Variants in CFAP47 observed in about 807,000 individuals in gnomAD.
CFAP47 encodes the protein cilia and flagella associated protein 47.
Under a neutral mutation model 148.1 loss-of-function variants are expected in CFAP47, and 29 were observed. The ratio of observed to expected loss-of-function variants is 0.20; its 90% CI spans 0.15 to 0.27. The LOEUF (loss-of-function observed/expected upper bound fraction) is 0.27, where lower values mean the gene tolerates loss of function less well. Ranked by LOEUF, CFAP47 falls within the 10% of genes least tolerant of loss-of-function variation. CFAP47 has a pLI of 1.00. For synonymous variants in CFAP47, 664 were observed against 577.3 expected, an observed-to-expected ratio of 1.15 and a Z score of -2.15; for missense variants, 1,872 against 1,697.5, an observed-to-expected ratio of 1.10 and a Z score of -1.81.
intron 63 of CFAP47, among the ~76,000 whole-genome samples, chrX:36,384,505 TACTGTACA>T (rs1556024768): frequency 8.9e-6 from 1 of 112,271 alleles, no homozygotes; most frequent in Non-Finnish European, 1.9e-5. Flanking sequence ...TTGGCGTTCA[TACTGTACA>T]ACAGTCTTAT....
At chrX:36,308,988 C>A (rs782521047) in intron 55 of CFAP47, among the ~76,000 whole-genome samples, 2 of 111,436 alleles carry the variant, frequency 1.8e-5, no homozygotes, top group Non-Finnish European at 3.8e-5. Context: ...CTGCAAATAT[C>A]ATAAACTTAT....
intron 33 of CFAP47, among the ~76,000 whole-genome samples, chrX:36,127,623 C>T (rs1310296799): frequency 9.0e-6 from 1 of 111,496 alleles, no homozygotes; most frequent in Non-Finnish European, 1.9e-5. Context: ...GTTTCCAATT[C>T]TGTGAAGAAA....
intron 50 of CFAP47, among the ~76,000 whole-genome samples, chrX:36,282,634 A>G (rs1015817265): frequency 3.6e-5 from 4 of 111,578 alleles, no homozygotes; most frequent in Non-Finnish European, 5.7e-5. Context: ...TCAATTAGAG[A>G]AATCTTCTAG....
At chrX:36,175,554 G>T (rs1219021267) in intron 39 of CFAP47, among the ~76,000 whole-genome samples, 1 of 111,453 alleles carries the variant, frequency 9.0e-6, no homozygotes. Context: ...TGGAGTACCC[G>T]GCCGTGTGAA....
intron 53 of CFAP47, among the ~76,000 whole-genome samples, chrX:36,303,088 G>A (rs1941313552): frequency 8.9e-6 from 1 of 112,058 alleles, no homozygotes; most frequent in African/African-American, 3.2e-5. Context: ...ACAGTTCTGA[G>A]GCTAGAAGTT....
Position 35,956,159 on chromosome X carries a change from A to T in CFAP47, c.1373A>T (p.Asp458Val). 1 of 1,211,005 alleles carries T rather than the reference A, an allele frequency of 8.3e-7. No homozygotes were observed. Among genetic ancestry groups the T allele is most frequent in the Non-Finnish European group, 1.1e-6 (1 of 894,759 alleles). Residue 458 changes from aspartate (D) to valine (V), a missense_variant, in exon 8 of 64, where the codon GAT (aspartate) becomes GTT (valine). By Grantham distance (152) the Asp-to-Val change is radical. Transcript: ENST00000378653. ...HFKKTANFEI[D>V]PEKGKITGGG... ...AAAAAAACTGCAAATTTTGAAATTGATCCTGAAAAGGGCAAGATTACTGGA... is the reference window on the plus strand; with the variant it reads ...AAAAAAACTGCAAATTTTGAAATTGTTCCTGAAAAGGGCAAGATTACTGGA...
chrX:36,147,622 G>A (rs113749254), intron 36 of CFAP47, among the ~76,000 whole-genome samples: 1,718 of 110,681 alleles, frequency 0.016, 17 homozygotes, highest in Admixed American at 0.024. Context: ...TGGGGGTCTT[G>A]CCCCCATTAT....
chrX:36,186,344 C>T (rs188402079), intron 40 of CFAP47, among the ~76,000 whole-genome samples: 50 of 111,398 alleles, frequency 4.5e-4, no homozygotes, highest in African/African-American at 1.6e-3. Flanking sequence ...TTAGACACTT[C>T]TCAACTGCTC....
At chrX:35,979,446 C>T (rs749834065) in intron 15 of CFAP47, among the ~76,000 whole-genome samples, 2 of 109,681 alleles carry the variant, frequency 1.8e-5, no homozygotes, top group South Asian at 3.9e-4. Flanking sequence ...AATTCACTCC[C>T]ACTCTCTTTC....
At chrX:36,204,891 C>A (rs1299489643) in intron 44 of CFAP47, 66 bp from the exon 45 acceptor site, 1 of 292,750 alleles carries the variant, frequency 3.4e-6, no homozygotes, top group African/African-American at 2.8e-5. Context: ...ATACATAATG[C>A]TGTCTTTTGT....
chrX:36,188,411 G>T (rs782460481), intron 40 of CFAP47, among the ~76,000 whole-genome samples: 12 of 111,392 alleles, frequency 1.1e-4, no homozygotes, highest in Admixed American at 9.5e-4. Flanking sequence ...AAATATGGAC[G>T]TTTGTTAGTT....
chrX:36,358,710 C>T (rs1477468875), intron 60 of CFAP47, among the ~76,000 whole-genome samples: 1 of 111,788 alleles, frequency 8.9e-6, no homozygotes, highest in African/African-American at 3.3e-5. Flanking sequence ...ATAAACTCCT[C>T]TCACCCTCTC....
chrX:36,198,721 T>C (rs1368482356), intron 42 of CFAP47, among the ~76,000 whole-genome samples: 1 of 111,819 alleles, frequency 8.9e-6, no homozygotes, highest in Non-Finnish European at 1.9e-5. Flanking sequence ...TGTTGTAATG[T>C]TAATGCTGGT....
At chrX:36,028,693 A>G (rs749887621) in intron 22 of CFAP47, among the ~76,000 whole-genome samples, 2 of 111,588 alleles carry the variant, frequency 1.8e-5, no homozygotes, top group Non-Finnish European at 3.8e-5. Flanking sequence ...TGATTTTTGT[A>G]TATTAATTTT....
rs758575683 is a variant in CFAP47 at position 35,920,887 on chromosome X, A to T, written c.249+839A>T. On this transcript the variant is annotated intron_variant, in intron 1 of 63. Coordinates refer to ENST00000378653, the MANE Select transcript of CFAP47 (RefSeq NM_001304548.2). ...AAAAAAAAGATGTCCGTAATTTTAG[A>T]TTAAATTTACATATATTTCTTTGTA... Among the ~76,000 whole-genome samples the T allele has an allele frequency of 1.2e-4, 14 of 112,178 alleles. No homozygotes were observed. The East Asian group carries it at 3.6e-3, about 29-fold the overall frequency.
intron 57 of CFAP47, 33 bp from the exon 58 acceptor site, chrX:36,348,096 C>T: frequency 2.5e-6 from 2 of 813,985 alleles, no homozygotes; most frequent in East Asian, 4.5e-5. Flanking sequence ...TTAATATTTA[C>T]CATATTAAAA....
chrX:36,268,295 G>C (rs988094295), intron 49 of CFAP47, among the ~76,000 whole-genome samples: 1 of 113,134 alleles, frequency 8.8e-6, no homozygotes, highest in Non-Finnish European at 1.9e-5. Flanking sequence ...GATAATAAGA[G>C]TACAATAAAA....
intron 26 of CFAP47, among the ~76,000 whole-genome samples, chrX:36,062,916 C>T (rs749936032): frequency 1.8e-5 from 2 of 111,842 alleles, no homozygotes; most frequent in South Asian, 3.7e-4. Flanking sequence ...TGAAGACATC[C>T]GGTGGACACC....
intron 21 of CFAP47, among the ~76,000 whole-genome samples, chrX:36,004,348 A>G (rs1473951143): frequency 9.0e-6 from 1 of 111,031 alleles, no homozygotes; most frequent in Non-Finnish European, 1.9e-5. Context: ...TTAATTCACA[A>G]TTGCTACAAA....
Sources: allele counts gnomAD v4.1 joint callset (sites outside exome capture counted in the v4.1 genomes callset), GRCh38; gene constraint gnomAD v4.1.1; transcripts MANE v1.5; gene names NCBI Gene and HGNC (gene_info 2026-07-23, HGNC 2026-07-21).